Variants in TMEM156 observed in about 807,000 individuals in gnomAD.
TMEM156 encodes the protein transmembrane protein 156.
TMEM156 carries 28 observed loss-of-function variants against 30.5 expected under a neutral mutation model. The observed-to-expected ratio is 0.92, with a 90% confidence interval of 0.68 to 1.26. The LOEUF is 1.26. TMEM156 is among the 50% of genes most tolerant of loss of function. TMEM156 has a pLI of 0.00. For missense variants in TMEM156, 351 were observed against 340.6 expected, an observed-to-expected ratio of 1.03 and a Z score of -0.24; for synonymous variants, 137 against 119.9, an observed-to-expected ratio of 1.14 and a Z score of -0.93.
chr4:39,004,197 G>C (rs2109998400), intron 1 of TMEM156, among the ~76,000 whole-genome samples: 1 of 152,234 alleles, frequency 6.6e-6, no homozygotes, highest in Middle Eastern at 3.4e-3. Flanking sequence ...CTCAGAGATG[G>C]AAATGCATTC....
chr4:38,971,352 G>A (rs1467349754), intron 5 of TMEM156, among the ~76,000 whole-genome samples: 1 of 152,168 alleles, frequency 6.6e-6, no homozygotes, highest in Admixed American at 6.5e-5. Flanking sequence ...ACAAATACCT[G>A]AAGCATAGTT....
intron 5 of TMEM156, among the ~76,000 whole-genome samples, chr4:38,984,318 T>G (rs1196760976): frequency 7.5e-6 from 1 of 133,348 alleles, no homozygotes; most frequent in Non-Finnish European, 1.5e-5. Context: ...TCTCTCTCTC[T>G]CTCTCTTTCT....
intron 6 of TMEM156, among the ~76,000 whole-genome samples, chr4:38,969,996 G>A (rs928089309): frequency 6.6e-6 from 1 of 152,136 alleles, no homozygotes; most frequent in African/African-American, 2.4e-5. Flanking sequence ...TTTCTGTAGT[G>A]GCTATACTCT....
chr4:38,983,134 G>A (rs1350273925), intron 5 of TMEM156, among the ~76,000 whole-genome samples: 1 of 152,106 alleles, frequency 6.6e-6, no homozygotes, highest in Non-Finnish European at 1.5e-5. Flanking sequence ...GACCATTCCT[G>A]ACATGCAACT....
At chr4:38,989,018 G>A (rs1712225863) in intron 3 of TMEM156, 48 bp from the exon 4 acceptor site, 1 of 1,580,274 alleles carries the variant, frequency 6.3e-7, no homozygotes, top group Non-Finnish European at 8.6e-7. Context: ...TTATTCAACA[G>A]ATAAAAGGCA....
At chr4:39,000,156 G>C (rs1713234002) in intron 1 of TMEM156, among the ~76,000 whole-genome samples, 1 of 152,188 alleles carries the variant, frequency 6.6e-6, no homozygotes, top group South Asian at 2.1e-4. Flanking sequence ...TCCTTTTGGA[G>C]GCAGAGGTGG....
At chr4:39,003,522 C>T (rs4417980) in intron 1 of TMEM156, among the ~76,000 whole-genome samples, 41,423 of 151,672 alleles carry the variant, frequency 0.27, 6,214 homozygotes, top group East Asian at 0.44. Context: ...TTAGTGGAGA[C>T]GGGGTTTCTT....
chr4:39,027,568 TTTTTTGAGACGGAGTCTTGCTCTG>T (rs1230809947), intron 1 of TMEM156, among the ~76,000 whole-genome samples: 2 of 144,038 alleles, frequency 1.4e-5, no homozygotes, highest in South Asian at 2.3e-4. Flanking sequence ...TTTTTTTTTT[TTTTTTGAGACGGAGTCTTGCTCTG>T]TCACTCAGGC....
At chr4:39,001,185 A>C (rs537170565) in intron 1 of TMEM156, among the ~76,000 whole-genome samples, 5 of 149,470 alleles carry the variant, frequency 3.3e-5, no homozygotes, top group African/African-American at 1.2e-4. Context: ...CCTGGCTAAC[A>C]CAGTGAAACC....
chr4:39,012,738 G>A lies in TMEM156; in HGVS notation c.89-13829C>T, dbSNP rs371997864. 4.3e-4 allele frequency among the ~76,000 whole-genome samples: 65 copies of A among 152,192 alleles called. No individual in the cohort carries two copies. The East Asian group carries it at 9.9e-3, about 23-fold the overall frequency. On this transcript the variant is annotated intron_variant, in intron 1 of 6. Transcript: ENST00000381938. ...GCAGATCACTTGAGGTCAGGAGTTT[G>A]AGACCAGCCTGGCTGACATGGTGAA...
intron 1 of TMEM156, among the ~76,000 whole-genome samples, chr4:39,008,496 G>C (rs1445215216): frequency 6.6e-6 from 1 of 152,016 alleles, no homozygotes; most frequent in Non-Finnish European, 1.5e-5. Flanking sequence ...ATTGCTGCTT[G>C]TGTATTCTTA....
At chr4:39,019,793 T>C (rs1217456913) in intron 1 of TMEM156, among the ~76,000 whole-genome samples, 1 of 152,204 alleles carries the variant, frequency 6.6e-6, no homozygotes, top group Non-Finnish European at 1.5e-5. Flanking sequence ...CACATACCAT[T>C]TTCGTTTGTG....
At chr4:39,004,059 GAAAT>G (rs1713563634) in intron 1 of TMEM156, among the ~76,000 whole-genome samples, 1 of 152,096 alleles carries the variant, frequency 6.6e-6, no homozygotes, top group Non-Finnish European at 1.5e-5. Context: ...ATAATTTTAA[GAAAT>G]AAATAAATTC....
At chr4:38,972,293 G>A (rs562999933) in intron 5 of TMEM156, among the ~76,000 whole-genome samples, 10 of 111,240 alleles carry the variant, frequency 9.0e-5, no homozygotes, top group East Asian at 8.8e-4. Flanking sequence ...TCACTCTGTC[G>A]CCCAGGCTAG....
chr4:39,017,207 C>T (rs577075804), intron 1 of TMEM156, among the ~76,000 whole-genome samples: 1 of 116,438 alleles, frequency 8.6e-6, no homozygotes, highest in East Asian at 2.6e-4. Flanking sequence ...CAGAGTCTCG[C>T]TCTGTCTCCC....
At chr4:39,031,025 A>G (rs1265274285) in intron 1 of TMEM156, among the ~76,000 whole-genome samples, 1 of 152,238 alleles carries the variant, frequency 6.6e-6, no homozygotes, top group Non-Finnish European at 1.5e-5. Context: ...AATCACTGAA[A>G]TATGTCATCA....
chr4:38,977,684 A>G (rs1485403236), intron 5 of TMEM156, among the ~76,000 whole-genome samples: 1 of 152,232 alleles, frequency 6.6e-6, no homozygotes, highest in African/African-American at 2.4e-5. Flanking sequence ...TCTTTTCATG[A>G]ATTTATCAAA....
Position 39,032,246 on chromosome 4 carries a change from T to C in TMEM156, c.68A>G (p.Glu23Gly), listed in dbSNP as rs776345356. Residue 23 changes from glutamate to glycine, a missense_variant, in exon 1 of 7, where the codon GAA (glutamate) becomes GGA (glycine). Physicochemically the swap from Glu to Gly is moderately conservative, Grantham distance 98. Transcript: ENST00000381938. Reference sequence around the variant, plus strand: ...CTCACCTTTCGGTGTCTTGAAATATTCCGGCAAAATTAAAATGAATGTGAT... The same window carrying C: ...CTCACCTTTCGGTGTCTTGAAATATCCCGGCAAAATTAAAATGAATGTGAT... ...IVITFILILP[E>G]YFKTPKERTL... is the part of the protein sequence containing the mutation. 1 of 1,607,552 alleles carries C rather than the reference T, an allele frequency of 6.2e-7. No individual in the cohort carries two copies. Among genetic ancestry groups the C allele is most frequent in the Admixed American group, 1.7e-5 (1 of 59,498 alleles).
intron 1 of TMEM156, among the ~76,000 whole-genome samples, chr4:39,025,887 C>T (rs1484769884): frequency 6.6e-6 from 1 of 152,158 alleles, no homozygotes; most frequent in Non-Finnish European, 1.5e-5. Context: ...TAACACTTGG[C>T]CTGCCTAAAT....
Sources: allele counts gnomAD v4.1 joint callset (sites outside exome capture counted in the v4.1 genomes callset), GRCh38; gene constraint gnomAD v4.1.1; transcripts MANE v1.5; gene names NCBI Gene and HGNC (gene_info 2026-07-23, HGNC 2026-07-21).